Variants in INTS7 observed in about 807,000 individuals in gnomAD.
The protein encoded by INTS7 is integrator complex subunit 7.
INTS7 carries 46 observed loss-of-function variants against 109.2 expected under a neutral mutation model. The observed-to-expected ratio is 0.42, with a 90% CI of 0.33 to 0.54. The LOEUF is 0.54. Ranked by LOEUF, INTS7 falls within the 20% of genes least tolerant of loss-of-function variation. INTS7 has a pLI of 0.07. For missense variants in INTS7, 929 were observed against 1,132.4 expected (o/e 0.82, Z 2.58); for synonymous variants, 412 against 402.9 (o/e 1.02, Z -0.27).
At chr1:212,026,892 C>A (rs1666946900) in intron 1 of INTS7, among the ~76,000 whole-genome samples, 1 of 152,084 alleles carries the variant, frequency 6.6e-6, no homozygotes, top group Admixed American at 6.5e-5. Flanking sequence ...TTTTATCTTC[C>A]CTTGAAAAAC....
intron 5 of INTS7, among the ~76,000 whole-genome samples, chr1:212,010,656 AT>A (rs1181404563): frequency 2.6e-5 from 4 of 152,202 alleles, no homozygotes; most frequent in South Asian, 4.1e-4. Context: ...CCCTGTAGTC[AT>A]TGTAACACCA....
chr1:212,000,857 A>G (rs1398527838), intron 7 of INTS7, among the ~76,000 whole-genome samples: 1 of 152,064 alleles, frequency 6.6e-6, no homozygotes, highest in Non-Finnish European at 1.5e-5. Context: ...TTCCTATTCT[A>G]TGTGAACTAG....
At chr1:212,010,355 A>C (rs1366334410) in intron 5 of INTS7, among the ~76,000 whole-genome samples, 7 of 152,148 alleles carry the variant, frequency 4.6e-5, no homozygotes. Flanking sequence ...TGTTGTAAGG[A>C]TAAATAGGGT....
Position 212,003,074 on chromosome 1 carries a change from G to A in INTS7, c.879+3565C>T, listed in dbSNP as rs933550609. ...AAGATAAGGAACATGAGGGATTAAC[G>A]GGAGAAGGGTTATCATACATTTAAT... On this transcript the variant is annotated intron_variant, in intron 7 of 19. Coordinates refer to ENST00000366994, the MANE Select transcript of INTS7 (RefSeq NM_015434.4). Among the ~76,000 whole-genome samples, 59 of 152,018 alleles carry A rather than the reference G, an allele frequency of 3.9e-4. 1 individual carries two copies. Among genetic ancestry groups the A allele is most frequent in the African/African-American group, 1.3e-3 (55 of 41,408 alleles).
intron 1 of INTS7, among the ~76,000 whole-genome samples, chr1:212,029,851 C>A (rs926451574): frequency 6.6e-5 from 10 of 152,082 alleles, no homozygotes; most frequent in Non-Finnish European, 1.3e-4. Flanking sequence ...CACAAACATA[C>A]AACCCACAGC....
At position 212,032,834 on chromosome 1, in the gene INTS7, T is replaced by C. The variant is rs184714246; in HGVS notation, c.94+2510A>G. 1.6e-4 allele frequency among the ~76,000 whole-genome samples: 25 copies of C among 152,336 alleles called. 1 individual carries two copies. In the South Asian group the frequency reaches 4.1e-3, roughly 25 times the overall value. ...TATTACTTTGCTCCAGATAACTGCA[T>C]GCAAAGGAGGCTTCTACCTCAGGGC... On this transcript the variant is annotated intron_variant, in intron 1 of 19. Transcript: ENST00000366994.
In INTS7 at chr1:211,955,107, T is replaced by A. The variant is rs936320073; in HGVS notation, c.2184-2406A>T. ...GTAGTTCTCCTTGAAGAGGTCCTTCTTGTCCCTTGTAAGTTGGATTCCTAG... is the reference window on the plus strand; with the variant it reads ...GTAGTTCTCCTTGAAGAGGTCCTTCATGTCCCTTGTAAGTTGGATTCCTAG... On this transcript the variant is annotated intron_variant, in intron 16 of 19. Transcript: ENST00000366994. 4.0e-4 allele frequency among the ~76,000 whole-genome samples: 61 copies of A among 152,208 alleles called. No homozygotes were observed. In the Middle Eastern group the frequency reaches 0.014, roughly 34 times the overall value.
At chr1:212,015,978 T>A (rs1456255523) in intron 4 of INTS7, among the ~76,000 whole-genome samples, 2 of 151,894 alleles carry the variant, frequency 1.3e-5, no homozygotes, top group Non-Finnish European at 2.9e-5. Flanking sequence ...GCTATTGGGG[T>A]TTTTTAAAAC....
chr1:212,000,672 G>A (rs953314975), intron 7 of INTS7, among the ~76,000 whole-genome samples: 2 of 151,746 alleles, frequency 1.3e-5, no homozygotes, highest in Non-Finnish European at 2.9e-5. Flanking sequence ...TTGAATTTCT[G>A]TGTTTCTTTA....
At chr1:211,969,100 T>C (rs528427750) in intron 13 of INTS7, among the ~76,000 whole-genome samples, 2 of 152,050 alleles carry the variant, frequency 1.3e-5, no homozygotes, top group South Asian at 2.1e-4. Context: ...CTGGCTAACA[T>C]GGTGAAACCC....
chr1:211,980,495 G>A (rs1366478400), intron 10 of INTS7, among the ~76,000 whole-genome samples: 1 of 151,982 alleles, frequency 6.6e-6, no homozygotes, highest in Non-Finnish European at 1.5e-5. Context: ...GAGAACAGTG[G>A]TGCAATAATG....
At chr1:212,001,538 A>G (rs558734036) in intron 7 of INTS7, among the ~76,000 whole-genome samples, 1 of 152,346 alleles carries the variant, frequency 6.6e-6, no homozygotes, top group Admixed American at 6.5e-5. Flanking sequence ...TAAGTAATCT[A>G]GAGAAGGGTT....
chr1:211,984,676 G>C (rs1664814691), intron 8 of INTS7, among the ~76,000 whole-genome samples: 1 of 152,048 alleles, frequency 6.6e-6, no homozygotes, highest in Non-Finnish European at 1.5e-5. Context: ...GTAGAAAATG[G>C]TAAAAGGCTA....
chr1:211,941,524 AT>A lies in INTS7; in HGVS notation c.*299del, dbSNP rs1466937722. The A allele has an allele frequency of 1.4e-5, 4 of 278,234 alleles. No homozygotes were observed. The highest frequency in any genetic ancestry group is 8.4e-5 in the East Asian group (1 of 11,930). 17.2% of individuals were successfully genotyped at this position (278,234 alleles called of 1,614,324 possible). A position where few individuals can be genotyped will look rare whatever the true frequency, so the allele number is the denominator to read the frequency against. On this transcript the variant is annotated 3_prime_UTR_variant, in exon 20 of 20. Coordinates refer to ENST00000366994, the MANE Select transcript of INTS7 (RefSeq NM_015434.4). ...AGGCGCCTGCCACCATGCTTGGCTA[AT>A]TTTTTTGTATTTTTTAGTGGAGACG...
At position 211,959,879 on chromosome 1, in the gene INTS7, T is replaced by C. The variant is rs1663539251; in HGVS notation, c.2183+6551A>G. Reference sequence around the variant, plus strand: ...CCTGCACCCCACCGGCCACCTGCGCTGCCTCTGCTGCTGCTGTGAAGGCCC... The same window carrying C: ...CCTGCACCCCACCGGCCACCTGCGCCGCCTCTGCTGCTGCTGTGAAGGCCC... On this transcript the variant is annotated intron_variant, in intron 16 of 19. Coordinates refer to ENST00000366994, the MANE Select transcript of INTS7 (RefSeq NM_015434.4). This position sits in a 1 kb window ranked among gnomAD's most constrained non-coding sequence, Gnocchi z 4.2. 6.6e-6 allele frequency among the ~76,000 whole-genome samples: 1 copy of C among 152,222 alleles called. No homozygotes were observed. Among genetic ancestry groups the C allele is most frequent in the South Asian group, 2.1e-4 (1 of 4,826 alleles).
At chr1:211,983,501 A>T (rs1299066533) in intron 8 of INTS7, among the ~76,000 whole-genome samples, 1 of 152,224 alleles carries the variant, frequency 6.6e-6, no homozygotes, top group Non-Finnish European at 1.5e-5. Context: ...TGCAAGGTTC[A>T]TGTTGTAACT....
In INTS7 at chr1:211,942,014, C is replaced by G; in HGVS notation, c.2699G>C (p.Gly900Ala). ...AGATTCCACTGTAATGTTGTGTGTT[C>G]CAAGGATAGCAAAGTTCAACAGAAA... ...TQFLLNFAILGTHNITVESSV... is the reference protein window; with the variant it reads ...TQFLLNFAILATHNITVESSV... The change falls in exon 20 of 20, where the codon GGA (glycine) becomes GCA (alanine). Residue 900 changes from glycine to alanine, a missense_variant. Around this residue, in one of 2 missense-constraint regions of INTS7, gnomAD observed 787 missense variants for 901.1 expected, o/e 0.87. Coordinates refer to ENST00000366994, the MANE Select transcript of INTS7 (RefSeq NM_015434.4). This position sits in a 1 kb window ranked among gnomAD's most constrained non-coding sequence, Gnocchi z 4.2. 1 of 1,614,084 alleles carries G rather than the reference C, an allele frequency of 6.2e-7. No homozygotes were observed.
chr1:212,007,851 C>T (rs1049913384), intron 5 of INTS7, among the ~76,000 whole-genome samples: 2 of 152,162 alleles, frequency 1.3e-5, no homozygotes, highest in African/African-American at 2.4e-5. Context: ...CCTTCAACAA[C>T]TAAATCATAA....
At position 211,966,449 on chromosome 1, in the gene INTS7, A is replaced by C. The variant is rs765345337; in HGVS notation, c.2164T>G (p.Leu722Val). Residue 722 changes from leucine (L) to valine (V), a missense_variant, in exon 16 of 20, where the codon TTG (leucine) becomes GTG (valine). By Grantham distance (32) the Leu-to-Val change is conservative. This residue lies in a region of INTS7 where 787 missense variants were observed against 901.1 expected (regional missense o/e 0.87). Coordinates refer to ENST00000366994, the MANE Select transcript of INTS7 (RefSeq NM_015434.4). ...AATTACCTTGCTGATTCTGGATCCA[A>C]AATCAGGGCTTCTATTGCATGAGAT... ...LISHAIEALI[L>V]DPESASFQEY... 1.9e-6 allele frequency: 3 copies of C among 1,600,736 alleles called. No individual in the cohort carries two copies. Among genetic ancestry groups the C allele is most frequent in the Admixed American group, 3.3e-5 (2 of 59,822 alleles).
Sources: gnomAD v4.1 joint callset for allele counts (sites outside exome capture counted in the v4.1 genomes callset) on GRCh38, gnomAD v4.1.1 for gene constraint, gnomAD v4.1.1 regional missense constraint, Gnocchi (gnomAD v3.1) non-coding constraint, MANE v1.5 for transcripts, NCBI Gene and HGNC (gene_info 2026-07-23, HGNC 2026-07-21) for gene names.